Variants in CD6 observed in about 807,000 individuals in gnomAD.
CD6 encodes CD6 molecule.
CD6 carries 53 observed loss-of-function variants against 75.3 expected under a neutral mutation model. The ratio of observed to expected loss-of-function variants is 0.70; its 90% CI spans 0.56 to 0.88. The LOEUF (loss-of-function observed/expected upper bound fraction) is 0.88. CD6 is among the 40% of genes least tolerant of loss of function. The probability of loss-of-function intolerance (pLI) is 0.00; values close to 1 mark genes in which losing one functional copy is unlikely to be tolerated. For synonymous variants in CD6, 359 were observed against 381.5 expected, an observed-to-expected ratio of 0.94 and a Z score of 0.69; for missense variants, 770 against 897.1, an observed-to-expected ratio of 0.86 and a Z score of 1.81.
intron 6 of CD6, among the ~76,000 whole-genome samples, chr11:61,011,607 T>C (rs1859159156): frequency 6.6e-6 from 1 of 152,156 alleles, no homozygotes; most frequent in Non-Finnish European, 1.5e-5. Flanking sequence ...GGTAGCCAAA[T>C]GGGAGAGGTC....
chr11:60,981,575 G>A (rs1857559841), intron 1 of CD6, among the ~76,000 whole-genome samples: 1 of 152,272 alleles, frequency 6.6e-6, no homozygotes, highest in Non-Finnish European at 1.5e-5. Flanking sequence ...TCAGAGCTGT[G>A]TGGGGCTCCC....
chr11:60,977,472 C>A (rs1857407976), intron 1 of CD6, among the ~76,000 whole-genome samples: 1 of 152,192 alleles, frequency 6.6e-6, no homozygotes, highest in Admixed American at 6.5e-5. Flanking sequence ...ACCTCCAGGC[C>A]CTCCATCCTG....
At chr11:60,972,794 G>T (rs1487138880) in intron 1 of CD6, among the ~76,000 whole-genome samples, 1 of 152,164 alleles carries the variant, frequency 6.6e-6, no homozygotes, top group African/African-American at 2.4e-5. Flanking sequence ...CCAGTCAGGA[G>T]GGGGCATCGA....
Position 60,982,227 on chromosome 11 carries a change from CCTCA to C in CD6, c.49+10316_49+10319del, listed in dbSNP as rs1353763619. Among the ~76,000 whole-genome samples the C allele has an allele frequency of 2.2e-5, 3 of 134,838 alleles. No individual in the cohort carries two copies. The Admixed American group carries it at 2.4e-4, about 11-fold the overall frequency. 88.5% of individuals were successfully genotyped at this position (134,838 alleles called of 152,430 possible). A position where few individuals can be genotyped will look rare whatever the true frequency, so the allele number is the denominator to read the frequency against. On this transcript the variant is annotated intron_variant, in intron 1 of 12. Coordinates refer to ENST00000313421, the MANE Select transcript of CD6 (RefSeq NM_006725.5). ...GCTTCTTGGGGGTCCCATCTGAGGA[CCTCA>C]CTTCTGACTTGGAGTCATGTACTGA...
chr11:60,974,289 C>G (rs1857288325), intron 1 of CD6, among the ~76,000 whole-genome samples: 1 of 152,166 alleles, frequency 6.6e-6, no homozygotes. Flanking sequence ...CTGGCTGAAA[C>G]CTTGCTGTGC....
At chr11:60,973,649 T>C (rs1040407125) in intron 1 of CD6, among the ~76,000 whole-genome samples, 3 of 152,094 alleles carry the variant, frequency 2.0e-5, no homozygotes, top group African/African-American at 7.2e-5. Context: ...GACCCAGAGC[T>C]CATCCCCTCT....
chr11:60,983,155 G>A (rs1778341700), intron 1 of CD6, among the ~76,000 whole-genome samples: 1 of 150,784 alleles, frequency 6.6e-6, no homozygotes, highest in Non-Finnish European at 1.5e-5. Context: ...GGAGTGCAGT[G>A]TTGTGATCTC....
At chr11:61,012,787 C>T (rs1227818574) in intron 6 of CD6, among the ~76,000 whole-genome samples, 1 of 152,162 alleles carries the variant, frequency 6.6e-6, no homozygotes, top group Non-Finnish European at 1.5e-5. Context: ...TCCCAGACCC[C>T]ACTCCCGTCC....
rs1303821088 is a variant in CD6, at chr11:61,019,699, C to T, written c.*381C>T. 5.0e-6 allele frequency: 1 copy of T among 200,134 alleles called. No homozygotes were observed. The highest frequency in any genetic ancestry group is 1.2e-4 in the East Asian group (1 of 8,504). The allele number at this position is 200,134 out of a possible 1,614,324, so 12.4% of individuals were successfully genotyped here. On this transcript the variant is annotated 3_prime_UTR_variant, in exon 13 of 13. Transcript: ENST00000313421. ...CTCAAGTGTCCGGCGCTTTGATTGC[C>T]TGAGTTTCTGACACTTCAGGGCCCA...
chr11:61,018,458 G>A, intron 12 of CD6, 65 bp downstream of exon 12: 1 of 1,180,906 alleles, frequency 8.5e-7, no homozygotes, highest in Non-Finnish European at 1.2e-6. Context: ...AAATGAGTGG[G>A]GAACTATTGG....
chr11:60,977,323 G>A (rs1565139746), intron 1 of CD6, among the ~76,000 whole-genome samples: 3 of 150,496 alleles, frequency 2.0e-5, no homozygotes, highest in East Asian at 2.0e-4. Flanking sequence ...TCCCAGGTGC[G>A]TGGCCATCCT....
At chr11:61,019,155 C>T (rs559814777) in intron 12 of CD6, 99 bp from the exon 13 acceptor site, 8 of 813,152 alleles carry the variant, frequency 9.8e-6, no homozygotes, top group South Asian at 3.2e-5. Context: ...CAGCATCCCA[C>T]GGGGATAGTG....
At chr11:60,973,295 G>A (rs138054823) in intron 1 of CD6, among the ~76,000 whole-genome samples, 2 of 152,334 alleles carry the variant, frequency 1.3e-5, no homozygotes, top group African/African-American at 4.8e-5. Context: ...CACAGGAGAG[G>A]TGGGAACCCA....
In CD6 at chr11:61,009,753, C is replaced by T; in HGVS notation, c.963C>T (p.Ser321=). 1 of 1,614,004 alleles carries T rather than the reference C, an allele frequency of 6.2e-7. No homozygotes were observed. Among genetic ancestry groups the T allele is most frequent in the Non-Finnish European group, 8.5e-7 (1 of 1,179,998 alleles). ...AVERPKGLPH[S]LSGRMYYSCN... ...AGAGGCCCAAGGGGCTGCCCCACTC[C>T]TTGTCCGGCAGGATGTACTACTCAT... The change falls in exon 5 of 13, where the codon TCC becomes TCT. Residue 321 remains serine, a synonymous_variant. Transcript: ENST00000313421.
At chr11:61,017,164 A>C in intron 9 of CD6, 1 of 362,962 alleles carries the variant, frequency 2.8e-6, no homozygotes, top group South Asian at 3.3e-5. Context: ...TCTCCTGCCC[A>C]GAGCTGCCAG....
chr11:60,990,394 T>G (rs911806731), intron 1 of CD6, among the ~76,000 whole-genome samples: 1 of 152,094 alleles, frequency 6.6e-6, no homozygotes, highest in Non-Finnish European at 1.5e-5. Context: ...CCGGCTAATT[T>G]TTGTATTTCA....
intron 1 of CD6, among the ~76,000 whole-genome samples, chr11:60,985,508 G>C (rs1030350874): frequency 2.0e-5 from 3 of 151,906 alleles, no homozygotes; most frequent in Admixed American, 2.0e-4. Flanking sequence ...ATAAACTTAA[G>C]TTTATTTGAA....
At chr11:60,987,872 G>A (rs773982989) in intron 1 of CD6, 8 of 152,158 alleles carry the variant, frequency 5.3e-5, no homozygotes, top group South Asian at 4.1e-4. Flanking sequence ...ATAACTGATC[G>A]TAATCAACCA....
At position 61,001,198 on chromosome 11, in the gene CD6, C is replaced by CTTTT. The variant is rs143567183; in HGVS notation, c.50-5359_50-5356dup. Among the ~76,000 whole-genome samples, 20 of 110,356 alleles carry CTTTT rather than the reference C, an allele frequency of 1.8e-4. 1 individual carries two copies. Among genetic ancestry groups the CTTTT allele is most frequent in the Non-Finnish European group, 2.3e-4 (13 of 56,428 alleles). 72.4% of individuals were successfully genotyped at this position (110,356 alleles called of 152,430 possible). ...ATCAGATAGTCTGATGATGATGTGTCTTTTTTTTTTTTTTTTTTTTGAGAC... is the reference window on the plus strand; with the variant it reads ...ATCAGATAGTCTGATGATGATGTGTCTTTTTTTTTTTTTTTTTTTTTTTTGAGAC... On this transcript the variant is annotated intron_variant, in intron 1 of 12. Coordinates refer to ENST00000313421, the MANE Select transcript of CD6 (RefSeq NM_006725.5).
Sources: allele counts gnomAD v4.1 joint callset (sites outside exome capture counted in the v4.1 genomes callset), GRCh38; gene constraint gnomAD v4.1.1; transcripts MANE v1.5; gene names NCBI Gene and HGNC (gene_info 2026-07-23, HGNC 2026-07-21).